PTGFR: variants seen among roughly 807,000 people sequenced by gnomAD.
PTGFR encodes the protein prostaglandin F receptor, also known as prostaglandin F2-alpha receptor.
Under a neutral mutation model 26.2 loss-of-function variants are expected in PTGFR, and 15 were observed. The observed-to-expected ratio is 0.57, with a 90% CI of 0.38 to 0.88. PTGFR has a LOEUF of 0.88. Among genes scored for constraint, PTGFR ranks in the 40% least tolerant of loss-of-function variants. PTGFR has a pLI of 0.00. For missense variants in PTGFR, 369 were observed against 427.2 expected (o/e 0.86, Z 1.20); for synonymous variants, 165 against 151.1 (o/e 1.09, Z -0.68).
intron 2 of PTGFR, among the ~76,000 whole-genome samples, chr1:78,518,694 G>A (rs1012253758): frequency 1.3e-5 from 2 of 151,372 alleles, no homozygotes; most frequent in African/African-American, 4.9e-5. Context: ...CCCTTATTTG[G>A]GGTTCAGTTA....
At chr1:78,516,624 T>C (rs556960214) in intron 2 of PTGFR, among the ~76,000 whole-genome samples, 2 of 152,334 alleles carry the variant, frequency 1.3e-5, no homozygotes, top group South Asian at 4.1e-4. Context: ...GTCTGATAAC[T>C]TTTTCTATCT....
chr1:78,530,747 AT>A (rs1044209743), intron 2 of PTGFR, among the ~76,000 whole-genome samples: 23 of 152,310 alleles, frequency 1.5e-4, no homozygotes, highest in Admixed American at 1.3e-3. Flanking sequence ...AATGTTAGCT[AT>A]TTTTTAATCA....
intron 2 of PTGFR, among the ~76,000 whole-genome samples, chr1:78,531,724 C>T (rs139441723): frequency 1.1e-4 from 17 of 152,176 alleles, no homozygotes; most frequent in Non-Finnish European, 2.2e-4. Flanking sequence ...TGTTAACCCT[C>T]CTAACTCCTG....
intron 2 of PTGFR, among the ~76,000 whole-genome samples, chr1:78,533,537 G>C (rs1278991279): frequency 1.3e-5 from 2 of 152,120 alleles, no homozygotes; most frequent in East Asian, 3.8e-4. Flanking sequence ...TTACATTTCT[G>C]TTTTACTCAC....
Position 78,539,422 on chromosome 1 carries a change from A to G in PTGFR, c.*2735A>G, listed in dbSNP as rs901229752. ...CACCTGTATACCATCATTGTTCCAA[A>G]TTAAATAACTGTTTTGGGTCAGAAT... On this transcript the variant is annotated 3_prime_UTR_variant, in exon 3 of 3. Transcript: ENST00000370757. The G allele has an allele frequency of 1.3e-5, 2 of 152,496 alleles. No homozygotes were observed. Among genetic ancestry groups the G allele is most frequent in the Non-Finnish European group, 1.5e-5 (1 of 67,988 alleles). 9.4% of individuals were successfully genotyped at this position (152,496 alleles called of 1,614,324 possible).
chr1:78,535,107 C>T (rs1456743503), intron 2 of PTGFR, among the ~76,000 whole-genome samples: 1 of 152,162 alleles, frequency 6.6e-6, no homozygotes, highest in Non-Finnish European at 1.5e-5. Context: ...GAAGAGGACT[C>T]TATGCCTTCC....
intron 2 of PTGFR, among the ~76,000 whole-genome samples, chr1:78,504,482 A>C (rs1219409157): frequency 6.6e-6 from 1 of 152,136 alleles, no homozygotes; most frequent in African/African-American, 2.4e-5. Context: ...CTGATATATA[A>C]AAATACTTAT....
At chr1:78,516,834 T>G (rs920851025) in intron 2 of PTGFR, among the ~76,000 whole-genome samples, 1 of 152,068 alleles carries the variant, frequency 6.6e-6, no homozygotes, top group African/African-American at 2.4e-5. Context: ...GAGAGGTCAC[T>G]GCTGAGTGTT....
intron 2 of PTGFR, among the ~76,000 whole-genome samples, chr1:78,514,840 GT>G: frequency 6.6e-6 from 1 of 152,192 alleles, no homozygotes; most frequent in Admixed American, 6.5e-5. Flanking sequence ...ATATCCGGTT[GT>G]TTAAAGAGTC....
intron 2 of PTGFR, among the ~76,000 whole-genome samples, chr1:78,522,081 C>T (rs1040290543): frequency 6.6e-6 from 1 of 152,030 alleles, no homozygotes; most frequent in Admixed American, 6.6e-5. Flanking sequence ...AGAGTTCATT[C>T]AGGCAGAATC....
intron 2 of PTGFR, among the ~76,000 whole-genome samples, chr1:78,509,888 C>T (rs995115110): frequency 3.9e-5 from 6 of 152,202 alleles, no homozygotes; most frequent in African/African-American, 1.2e-4. Flanking sequence ...TATATCAACA[C>T]TCTCATCTTA....
chr1:78,491,473 G>C (rs1205053138), intron 1 of PTGFR, among the ~76,000 whole-genome samples: 1 of 152,206 alleles, frequency 6.6e-6, no homozygotes, highest in Non-Finnish European at 1.5e-5. Flanking sequence ...CTCAGAAGAG[G>C]GAAATCGGCA....
intron 2 of PTGFR, among the ~76,000 whole-genome samples, chr1:78,513,177 A>G (rs572649132): frequency 1.3e-5 from 2 of 152,300 alleles, no homozygotes; most frequent in South Asian, 4.1e-4. Flanking sequence ...GAACTGTAAA[A>G]TGGGCAGAGG....
chr1:78,501,443 C>T (rs1354045970), intron 2 of PTGFR, among the ~76,000 whole-genome samples: 1 of 152,168 alleles, frequency 6.6e-6, no homozygotes, highest in Non-Finnish European at 1.5e-5. Context: ...CCTTTCAGAG[C>T]TTGTGTAAAC....
chr1:78,505,602 T>C (rs1282076458), intron 2 of PTGFR, among the ~76,000 whole-genome samples: 1 of 152,222 alleles, frequency 6.6e-6, no homozygotes, highest in African/African-American at 2.4e-5. Flanking sequence ...TGACACTTGG[T>C]ACATTCACAA....
At position 78,492,664 on chromosome 1, in the gene PTGFR, T is replaced by G; in HGVS notation, c.-72-8T>G. ...GGTGTTCATAATTCCTCTCCCTTTA[T>G]CCTACAGATGTCTGGACTGCAATCC... is the stretch of plus-strand genomic sequence containing the variant. On this transcript the variant is annotated splice_region_variant and splice_polypyrimidine_tract_variant and intron_variant, in intron 1 of 2. Coordinates refer to ENST00000370757, the MANE Select transcript of PTGFR (RefSeq NM_000959.4). 2 of 1,342,836 alleles carry G rather than the reference T, an allele frequency of 1.5e-6. No individual in the cohort carries two copies. Among genetic ancestry groups the G allele is most frequent in the South Asian group, 2.8e-5 (2 of 70,802 alleles). The allele number at this position is 1,342,836 out of a possible 1,614,324, so 83.2% of individuals were successfully genotyped here. A position where few individuals can be genotyped will look rare whatever the true frequency, so the allele number is the denominator to read the frequency against.
At chr1:78,534,479 G>T (rs2100404077) in intron 2 of PTGFR, among the ~76,000 whole-genome samples, 1 of 152,222 alleles carries the variant, frequency 6.6e-6, no homozygotes, top group East Asian at 1.9e-4. Flanking sequence ...ATCCACATTA[G>T]TTTTGATTCT....
At chr1:78,531,655 AT>A (rs900941263) in intron 2 of PTGFR, among the ~76,000 whole-genome samples, 7 of 152,002 alleles carry the variant, frequency 4.6e-5, no homozygotes, top group Non-Finnish European at 7.4e-5. Context: ...TAATTAATTT[AT>A]TTTTTTACCT....
Position 78,504,602 on chromosome 1 carries a change from G to A in PTGFR, c.798+11061G>A, listed in dbSNP as rs188581741. Among the ~76,000 whole-genome samples, 3 of 152,212 alleles carry A rather than the reference G, an allele frequency of 2.0e-5. No homozygotes were observed. The East Asian group carries it at 5.8e-4, about 29-fold the overall frequency. On this transcript the variant is annotated intron_variant, in intron 2 of 2. Transcript: ENST00000370757. ...ATTAATAATTTCTTTTGTGGTTACT[G>A]ATTGTTTCATGTTTAAAAAATGCTT...
Sources: gnomAD v4.1 joint callset for allele counts (sites outside exome capture counted in the v4.1 genomes callset) on GRCh38, gnomAD v4.1.1 for gene constraint, MANE v1.5 for transcripts, NCBI Gene and HGNC (gene_info 2026-07-23, HGNC 2026-07-21) for gene names.